Variants in SNTG2 observed in about 807,000 individuals in gnomAD.
SNTG2 encodes the protein gamma-2-syntrophin.
Under a neutral mutation model 70.9 loss-of-function variants are expected in SNTG2, and 74 were observed. That is an observed-to-expected ratio of 1.04 (90% confidence interval 0.86 to 1.27). SNTG2 has a LOEUF of 1.27. Ranked by LOEUF, SNTG2 falls within the 50% of genes most tolerant of loss-of-function variation. The pLI, the probability that SNTG2 is intolerant of heterozygous loss-of-function variation, is 0.00. For missense variants in SNTG2, 717 were observed against 690.7 expected (o/e 1.04, Z -0.43); for synonymous variants, 278 against 273.8 (o/e 1.02, Z -0.15).
intron 1 of SNTG2, among the ~76,000 whole-genome samples, chr2:964,721 T>C (rs1480899321): frequency 6.6e-6 from 1 of 152,148 alleles, no homozygotes; most frequent in African/African-American, 2.4e-5. Context: ...GGTGAGGCTG[T>C]TCCTGAGAGG....
intron 9 of SNTG2, among the ~76,000 whole-genome samples, chr2:1,221,408 AGTCTCTGGTTTTG>A (rs1674795907): frequency 1.3e-5 from 1 of 75,320 alleles, no homozygotes; most frequent in Non-Finnish European, 2.6e-5. Context: ...TGTCCCTCTC[AGTCTCTGGTTTTG>A]TCTCTGTCTC....
At chr2:1,257,255 G>A (rs9678840) in intron 12 of SNTG2, among the ~76,000 whole-genome samples, 3,934 of 152,166 alleles carry the variant, frequency 0.026, 157 homozygotes, top group African/African-American at 0.089. Context: ...CTGTGTCTGC[G>A]ATCGAGGCAC....
rs1040542156 is a variant in SNTG2 at position 1,044,692 on chromosome 2, C to T, written c.73-38826C>T. Reference sequence around the variant, plus strand: ...GTTATCTTCATGTGATGAAGTATATCGATTTATTTGCATATGTTGAACCAA... The same window carrying T: ...GTTATCTTCATGTGATGAAGTATATTGATTTATTTGCATATGTTGAACCAA... On this transcript the variant is annotated intron_variant, in intron 1 of 16. Coordinates refer to ENST00000308624, the MANE Select transcript of SNTG2 (RefSeq NM_018968.4). Among the ~76,000 whole-genome samples the T allele has an allele frequency of 4.6e-5, 7 of 151,934 alleles. No homozygotes were observed. In the East Asian group the frequency reaches 7.7e-4, roughly 17 times the overall value.
In SNTG2 at chr2:1,222,011, GTCTC is replaced by G. The variant is rs1332164356; in HGVS notation, c.719+12787_719+12790del. Among the ~76,000 whole-genome samples the G allele has an allele frequency of 8.3e-4, 49 of 59,310 alleles. 7 individuals carry two copies. Among genetic ancestry groups the G allele is most frequent in the Admixed American group, 1.6e-3 (8 of 4,958 alleles). The allele number at this position is 59,310 out of a possible 152,430, so 38.9% of individuals were successfully genotyped here. On this transcript the variant is annotated intron_variant, in intron 9 of 16. Transcript: ENST00000308624. ...TCTGTCTCTGTCTCTGTCTCTCTCTGTCTCTCTCTGTCTCTGCCTATCTCTGTCT... is the reference window on the plus strand; with the variant it reads ...TCTGTCTCTGTCTCTGTCTCTCTCTGTCTCTGTCTCTGCCTATCTCTGTCT...
chr2:1,027,176 C>T (rs764430343), intron 1 of SNTG2, among the ~76,000 whole-genome samples: 2 of 152,200 alleles, frequency 1.3e-5, no homozygotes, highest in Non-Finnish European at 2.9e-5. Flanking sequence ...ACAGGGATCT[C>T]GTCTGCTTGT....
intron 6 of SNTG2, among the ~76,000 whole-genome samples, chr2:1,149,980 G>A (rs934396876): frequency 6.6e-6 from 1 of 152,094 alleles, no homozygotes; most frequent in African/African-American, 2.4e-5. Flanking sequence ...GAGCCACCGC[G>A]CCCAGCTGAA....
intron 2 of SNTG2, 60 bp downstream of exon 2, chr2:1,083,715 T>G: frequency 6.3e-7 from 1 of 1,590,464 alleles, no homozygotes; most frequent in Non-Finnish European, 8.6e-7. Flanking sequence ...ATGAACGGTC[T>G]TTGAAAAGTG....
chr2:1,072,326 CT>C (rs1359673947), intron 1 of SNTG2, among the ~76,000 whole-genome samples: 26 of 127,968 alleles, frequency 2.0e-4, no homozygotes, highest in Non-Finnish European at 3.2e-4. Flanking sequence ...TTTTCTTTTT[CT>C]TTTTCTTTTC....
intron 13 of SNTG2, among the ~76,000 whole-genome samples, chr2:1,263,669 A>G (rs1678568119): frequency 6.6e-6 from 1 of 152,236 alleles, no homozygotes; most frequent in Non-Finnish European, 1.5e-5. Flanking sequence ...ATCGACATGT[A>G]CGGCCTGGCT....
At chr2:955,482 T>C (rs957120315) in intron 1 of SNTG2, among the ~76,000 whole-genome samples, 16 of 152,256 alleles carry the variant, frequency 1.1e-4, no homozygotes, top group Non-Finnish European at 2.1e-4. Context: ...AACTTTCTTC[T>C]TGTACTCAGC....
In SNTG2 at chr2:1,210,179, C is replaced by T. The variant is rs956105909; in HGVS notation, c.719+949C>T. Among the ~76,000 whole-genome samples, 53 of 152,108 alleles carry T rather than the reference C, an allele frequency of 3.5e-4. 1 individual carries two copies. Among genetic ancestry groups the T allele is most frequent in the Admixed American group, 2.8e-3 (43 of 15,262 alleles). ...CTCTCACAAAGGATGTTCATGTTTG[C>T]GGAAGGATGTTTATGATCCCATTGC... is the stretch of plus-strand genomic sequence containing the variant. On this transcript the variant is annotated intron_variant, in intron 9 of 16. Transcript: ENST00000308624.
At chr2:1,282,963 A>C (rs1483771003) in intron 14 of SNTG2, among the ~76,000 whole-genome samples, 1 of 152,196 alleles carries the variant, frequency 6.6e-6, no homozygotes, top group African/African-American at 2.4e-5. Flanking sequence ...AAATAGCCAA[A>C]AGGCACAAAA....
intron 12 of SNTG2, among the ~76,000 whole-genome samples, chr2:1,255,885 A>AATATATATAAAT (rs1357299646): frequency 0.28 from 25,051 of 88,454 alleles, 4,674 homozygotes; most frequent in East Asian, 0.38. Context: ...TATATATATA[A>AATATATATAAAT]ATATATATAA....
At chr2:1,109,639 A>G (rs1256606129) in intron 4 of SNTG2, among the ~76,000 whole-genome samples, 2 of 152,230 alleles carry the variant, frequency 1.3e-5, no homozygotes, top group Non-Finnish European at 2.9e-5. Context: ...CTCGAAATCC[A>G]GTTCTTCCTA....
intron 1 of SNTG2, among the ~76,000 whole-genome samples, chr2:1,066,904 C>T (rs1000780204): frequency 6.6e-6 from 1 of 152,118 alleles, no homozygotes; most frequent in Non-Finnish European, 1.5e-5. Context: ...CCAATGGCGT[C>T]GCTACGCTCC....
chr2:1,166,856 C>T (rs1670741253), intron 7 of SNTG2, among the ~76,000 whole-genome samples: 1 of 152,202 alleles, frequency 6.6e-6, no homozygotes, highest in Non-Finnish European at 1.5e-5. Context: ...CAGGCACCAG[C>T]AGACACTGGC....
rs898311505 is a variant in SNTG2 at position 1,353,792 on chromosome 2, ACT to A, written c.1489-13550_1489-13549del. 1 of 152,238 alleles carries A rather than the reference ACT, an allele frequency of 6.6e-6. No homozygotes were observed. The highest frequency in any genetic ancestry group is 1.5e-5 in the Non-Finnish European group (1 of 68,052). The allele number at this position is 152,238 out of a possible 1,614,324, so 9.4% of individuals were successfully genotyped here. A position where few individuals can be genotyped will look rare whatever the true frequency, so the allele number is the denominator to read the frequency against. ...GTGACAAATGTCCAGCAGTTTGTGCACTGAGACGGAAAAATGGACCGTGCCGT... is the reference window on the plus strand; with the variant it reads ...GTGACAAATGTCCAGCAGTTTGTGCAGAGACGGAAAAATGGACCGTGCCGT... On this transcript the variant is annotated intron_variant, in intron 16 of 16. Coordinates refer to ENST00000308624, the MANE Select transcript of SNTG2 (RefSeq NM_018968.4). The surrounding 1 kb of genome is among the most constrained non-coding windows in gnomAD (Gnocchi z 4.2).
chr2:1,223,363 C>G (rs62107214), intron 9 of SNTG2, among the ~76,000 whole-genome samples: 3 of 61,256 alleles, frequency 4.9e-5, no homozygotes, highest in Non-Finnish European at 1.1e-4. Flanking sequence ...CCTGTCCTGC[C>G]GTGGAGGTGC....
chr2:1,331,453 G>A (rs1659524097), intron 16 of SNTG2, among the ~76,000 whole-genome samples: 1 of 152,230 alleles, frequency 6.6e-6, no homozygotes, highest in Non-Finnish European at 1.5e-5. Flanking sequence ...CTATCCGGGG[G>A]TGGGGAATGT....
Sources: gnomAD v4.1 joint callset for allele counts (sites outside exome capture counted in the v4.1 genomes callset) on GRCh38, gnomAD v4.1.1 for gene constraint, Gnocchi (gnomAD v3.1) non-coding constraint, MANE v1.5 for transcripts, NCBI Gene and HGNC (gene_info 2026-07-23, HGNC 2026-07-21) for gene names.